Variants in NKAIN2 observed in about 807,000 individuals in gnomAD.
The protein encoded by NKAIN2 is sodium/potassium-transporting ATPase subunit beta-1-interacting protein 2.
NKAIN2 carries 14 observed loss-of-function variants against 32.6 expected under a neutral mutation model. The observed-to-expected ratio is 0.43, with a 90% CI of 0.28 to 0.67. The LOEUF (loss-of-function observed/expected upper bound fraction) is 0.67, where lower values mean the gene tolerates loss of function less well. Among genes scored for constraint, NKAIN2 ranks in the 30% least tolerant of loss-of-function variants. NKAIN2 has a pLI of 0.17. For missense variants in NKAIN2, 198 were observed against 258.3 expected, an observed-to-expected ratio of 0.77 and a Z score of 1.60; for synonymous variants, 80 against 87.2, an observed-to-expected ratio of 0.92 and a Z score of 0.46.
chr6:124,625,704 ATT>A (rs36166107), intron 3 of NKAIN2, among the ~76,000 whole-genome samples: 1 of 98,440 alleles, frequency 1.0e-5, no homozygotes, highest in Non-Finnish European at 2.1e-5. Context: ...AAGATGCTTT[ATT>A]TATTTATTTA....
At chr6:124,167,388 A>C (rs1788606512) in intron 1 of NKAIN2, among the ~76,000 whole-genome samples, 1 of 152,076 alleles carries the variant, frequency 6.6e-6, no homozygotes, top group African/African-American at 2.4e-5. Context: ...GACATTGCTG[A>C]AGTTGCTTAT....
intron 1 of NKAIN2, among the ~76,000 whole-genome samples, chr6:124,275,221 G>A (rs529202465): frequency 6.6e-6 from 1 of 152,084 alleles, no homozygotes; most frequent in South Asian, 2.1e-4. Context: ...ATATATAAAT[G>A]GGATTATTAT....
At chr6:123,818,394 CACACACAG>C (rs1280585186) in intron 1 of NKAIN2, among the ~76,000 whole-genome samples, 3 of 147,360 alleles carry the variant, frequency 2.0e-5, no homozygotes, top group South Asian at 4.2e-4. Flanking sequence ...CACACACACA[CACACACAG>C]AGGAATCATA....
chr6:124,233,479 C>A (rs1179253458), intron 1 of NKAIN2, among the ~76,000 whole-genome samples: 2 of 152,152 alleles, frequency 1.3e-5, no homozygotes, highest in Non-Finnish European at 2.9e-5. Context: ...TAACTAAAAT[C>A]TTGTCTGCAA....
At chr6:124,183,499 A>G (rs1339043989) in intron 1 of NKAIN2, among the ~76,000 whole-genome samples, 3 of 152,090 alleles carry the variant, frequency 2.0e-5, no homozygotes, top group African/African-American at 7.2e-5. Context: ...TATGTTTCCT[A>G]CATGACATAG....
intron 1 of NKAIN2, among the ~76,000 whole-genome samples, chr6:123,815,824 G>T (rs1282538015): frequency 6.6e-6 from 1 of 152,052 alleles, no homozygotes; most frequent in Non-Finnish European, 1.5e-5. Context: ...TATATAGTGT[G>T]CAAGAATGTG....
chr6:124,159,795 G>A (rs1367001357), intron 1 of NKAIN2, among the ~76,000 whole-genome samples: 2 of 152,072 alleles, frequency 1.3e-5, no homozygotes, highest in African/African-American at 4.8e-5. Context: ...TGCCAGTTAT[G>A]TAGATACAGC....
At chr6:124,626,939 C>T (rs541311071) in intron 3 of NKAIN2, among the ~76,000 whole-genome samples, 1 of 152,180 alleles carries the variant, frequency 6.6e-6, no homozygotes, top group South Asian at 2.1e-4. Context: ...AAAGTGTAAC[C>T]ACTGCATCAA....
chr6:124,347,543 C>CT (rs1342493739), intron 2 of NKAIN2, among the ~76,000 whole-genome samples: 1 of 152,118 alleles, frequency 6.6e-6, no homozygotes, highest in African/African-American at 2.4e-5. Flanking sequence ...TCCTTTTATT[C>CT]TTTTTTCTCT....
intron 3 of NKAIN2, among the ~76,000 whole-genome samples, chr6:124,615,739 C>T (rs1782863238): frequency 6.6e-6 from 1 of 152,092 alleles, no homozygotes; most frequent in Admixed American, 6.5e-5. Context: ...GATATTACAC[C>T]TTTTGATATT....
chr6:123,830,657 G>A (rs971962774), intron 1 of NKAIN2, among the ~76,000 whole-genome samples: 20 of 152,096 alleles, frequency 1.3e-4, no homozygotes, highest in African/African-American at 4.3e-4. Flanking sequence ...GAAACAACTT[G>A]TATTTCTCTT....
chr6:123,998,551 T>C (rs1460763113), intron 1 of NKAIN2, among the ~76,000 whole-genome samples: 1 of 151,960 alleles, frequency 6.6e-6, no homozygotes, highest in Non-Finnish European at 1.5e-5. Context: ...GATCCTAAAA[T>C]CAAGACATCT....
At chr6:124,253,460 G>A (rs1793777544) in intron 1 of NKAIN2, among the ~76,000 whole-genome samples, 1 of 152,092 alleles carries the variant, frequency 6.6e-6, no homozygotes, top group African/African-American at 2.4e-5. Context: ...AAATAAAATA[G>A]GGATGGAGTT....
At position 124,084,384 on chromosome 6, in the gene NKAIN2, G is replaced by A. The variant is rs191579449; in HGVS notation, c.55-198621G>A. The stretch of plus-strand genomic sequence containing the variant: ...TGTGTGACAATTGCCATACAGGTTT[G>A]TAGCTTAGGAGCAATAGGCTACAGA... On this transcript the variant is annotated intron_variant, in intron 1 of 6. Transcript: ENST00000368417. Among the ~76,000 whole-genome samples, 8 of 151,962 alleles carry A rather than the reference G, an allele frequency of 5.3e-5. No individual in the cohort carries two copies. The East Asian group carries it at 1.6e-3, about 29-fold the overall frequency.
At chr6:124,124,195 G>T (rs1284067356) in intron 1 of NKAIN2, among the ~76,000 whole-genome samples, 1 of 152,110 alleles carries the variant, frequency 6.6e-6, no homozygotes, top group Non-Finnish European at 1.5e-5. Flanking sequence ...CACTGGAAAA[G>T]ATGTTTTATT....
chr6:124,373,637 A>G (rs1056938456), intron 3 of NKAIN2, among the ~76,000 whole-genome samples: 2 of 152,142 alleles, frequency 1.3e-5, no homozygotes, highest in African/African-American at 4.8e-5. Context: ...CCAGAAAAGG[A>G]GACAAAGGAG....
intron 2 of NKAIN2, among the ~76,000 whole-genome samples, chr6:124,324,088 G>C (rs539041805): frequency 5.6e-4 from 85 of 152,128 alleles, no homozygotes; most frequent in African/African-American, 1.9e-3. Context: ...ACTGCACCAG[G>C]CCTTCTTCTA....
intron 2 of NKAIN2, among the ~76,000 whole-genome samples, chr6:124,301,020 T>C (rs897258742): frequency 6.6e-6 from 1 of 152,088 alleles, no homozygotes; most frequent in African/African-American, 2.4e-5. Flanking sequence ...AGAAAATGTC[T>C]CCAGGGCATG....
intron 4 of NKAIN2, among the ~76,000 whole-genome samples, chr6:124,762,728 C>T (rs778604887): frequency 1.6e-4 from 24 of 152,122 alleles, no homozygotes; most frequent in Non-Finnish European, 3.4e-4. Context: ...GAATAAATTG[C>T]ACACATCCCA....
Sources: gnomAD v4.1 joint callset for allele counts (sites outside exome capture counted in the v4.1 genomes callset) on GRCh38, gnomAD v4.1.1 for gene constraint, MANE v1.5 for transcripts, NCBI Gene and HGNC (gene_info 2026-07-23, HGNC 2026-07-21) for gene names.